Variants in TMEM163 observed in about 807,000 individuals in gnomAD.
TMEM163 encodes the protein transmembrane protein 163.
Under a neutral mutation model 29.3 loss-of-function variants are expected in TMEM163, and 17 were observed. That is an observed-to-expected ratio of 0.58 (90% CI 0.40 to 0.87). The LOEUF (loss-of-function observed/expected upper bound fraction) is 0.87. TMEM163 is among the 40% of genes least tolerant of loss of function. TMEM163 has a pLI of 0.00. For missense variants in TMEM163, 303 were observed against 381.5 expected (o/e 0.79, Z 1.71); for synonymous variants, 157 against 160.6 (o/e 0.98, Z 0.17).
chr2:134,514,935 A>G (rs889592276), intron 4 of TMEM163, among the ~76,000 whole-genome samples: 1 of 152,228 alleles, frequency 6.6e-6, no homozygotes, highest in Admixed American at 6.5e-5. Context: ...CTCATGTGGA[A>G]AAGGCCACCA....
At chr2:134,458,242 T>A (rs1358937226) in intron 6 of TMEM163, 69 bp from the exon 7 acceptor site, 1 of 1,586,590 alleles carries the variant, frequency 6.3e-7, no homozygotes, top group Non-Finnish European at 8.6e-7. Context: ...CAAATGCCAG[T>A]CCTGCCTCCA....
At position 134,661,929 on chromosome 2, in the gene TMEM163, CT is replaced by C. The variant is rs1328565759; in HGVS notation, c.322+51270del. Among the ~76,000 whole-genome samples, 13 of 121,248 alleles carry C rather than the reference CT, an allele frequency of 1.1e-4. No individual in the cohort carries two copies. The South Asian group carries it at 1.6e-3, about 15-fold the overall frequency. The allele number at this position is 121,248 out of a possible 152,430, so 79.5% of individuals were successfully genotyped here. On this transcript the variant is annotated intron_variant, in intron 2 of 7. Transcript: ENST00000281924. ...TTTCATGGATTCATTAATTTTCTTT[CT>C]TTTTTTTTTTTTTTTTTTTGAGATG...
At position 134,586,322 on chromosome 2, in the gene TMEM163, C is replaced by T. The variant is rs149651832; in HGVS notation, c.323-34231G>A. Among the ~76,000 whole-genome samples, 18 of 152,296 alleles carry T rather than the reference C, an allele frequency of 1.2e-4. No individual in the cohort carries two copies. The East Asian group carries it at 3.5e-3, about 29-fold the overall frequency. On this transcript the variant is annotated intron_variant, in intron 2 of 7. Coordinates refer to ENST00000281924, the MANE Select transcript of TMEM163 (RefSeq NM_030923.5). ...GAAGTCTAAAATCAAGGTGTGAGCA[C>T]CATTGGTTCCTTCTACAGGCTGCAG...
intron 4 of TMEM163, among the ~76,000 whole-genome samples, chr2:134,520,312 T>C (rs1320709893): frequency 6.6e-6 from 1 of 152,226 alleles, no homozygotes; most frequent in African/African-American, 2.4e-5. Flanking sequence ...CCCTAATGTC[T>C]GGCAATAACA....
At chr2:134,538,940 A>T (rs1187422565) in intron 4 of TMEM163, among the ~76,000 whole-genome samples, 1 of 152,166 alleles carries the variant, frequency 6.6e-6, no homozygotes, top group African/African-American at 2.4e-5. Context: ...TGACTATACT[A>T]AAAGCCATTG....
At chr2:134,715,144 T>G (rs1685010615) in intron 1 of TMEM163, among the ~76,000 whole-genome samples, 1 of 152,302 alleles carries the variant, frequency 6.6e-6, no homozygotes, top group South Asian at 2.1e-4. Context: ...AAAAACAAGG[T>G]TCCTTTGAGA....
chr2:134,595,255 C>T (rs943226488), intron 2 of TMEM163, among the ~76,000 whole-genome samples: 2 of 151,848 alleles, frequency 1.3e-5, no homozygotes, highest in Non-Finnish European at 2.9e-5. Flanking sequence ...TAATGCTATC[C>T]CTCCCCACTC....
chr2:134,674,725 C>T (rs1163170909), intron 2 of TMEM163, among the ~76,000 whole-genome samples: 1 of 151,990 alleles, frequency 6.6e-6, no homozygotes, highest in Non-Finnish European at 1.5e-5. Context: ...AGAGGGTTCT[C>T]ATGCTTGTCT....
chr2:134,509,093 A>G (rs1461878804), intron 4 of TMEM163, among the ~76,000 whole-genome samples: 1 of 152,190 alleles, frequency 6.6e-6, no homozygotes, highest in East Asian at 1.9e-4. Flanking sequence ...AGCATGAGGA[A>G]CTTGTTAAAT....
chr2:134,694,604 G>A (rs1199585590), intron 2 of TMEM163, among the ~76,000 whole-genome samples: 1 of 152,208 alleles, frequency 6.6e-6, no homozygotes, highest in East Asian at 1.9e-4. Context: ...GACATGTAAA[G>A]TTTAAGCTTC....
intron 3 of TMEM163, among the ~76,000 whole-genome samples, chr2:134,551,715 G>T (rs1680930030): frequency 6.6e-6 from 1 of 152,142 alleles, no homozygotes; most frequent in African/African-American, 2.4e-5. Context: ...CAGCACATCT[G>T]CCTACACCAG....
At chr2:134,568,450 C>T (rs1321315530) in intron 2 of TMEM163, among the ~76,000 whole-genome samples, 1 of 151,910 alleles carries the variant, frequency 6.6e-6, no homozygotes, top group Non-Finnish European at 1.5e-5. Context: ...TTGCTTGAAC[C>T]CGGGAGGTGG....
intron 5 of TMEM163, among the ~76,000 whole-genome samples, chr2:134,472,659 G>A (rs944816761): frequency 6.6e-6 from 1 of 152,186 alleles, no homozygotes; most frequent in African/African-American, 2.4e-5. Context: ...ATTCATTACA[G>A]CAATGAAAAC....
At position 134,591,924 on chromosome 2, in the gene TMEM163, C is replaced by A. The variant is rs199836009; in HGVS notation, c.323-39833G>T. Among the ~76,000 whole-genome samples, 862 of 121,222 alleles carry A rather than the reference C, an allele frequency of 7.1e-3. 5 individuals are homozygous for A. The highest frequency in any genetic ancestry group is 0.025 in the African/African-American group (801 of 32,522). 79.5% of individuals were successfully genotyped at this position (121,222 alleles called of 152,430 possible). On this transcript the variant is annotated intron_variant, in intron 2 of 7. Coordinates refer to ENST00000281924, the MANE Select transcript of TMEM163 (RefSeq NM_030923.5). ...AGTGTTGATTAAAAAAAAAAAAAAA[C>A]AACCTGTAAAATATGTAAAGAGATT...
chr2:134,489,013 C>T (rs1679372480), intron 5 of TMEM163, among the ~76,000 whole-genome samples: 2 of 152,094 alleles, frequency 1.3e-5, no homozygotes, highest in Non-Finnish European at 2.9e-5. Context: ...GCAGCCACAC[C>T]GAAGGGCACT....
chr2:134,520,357 G>A (rs1680167038), intron 4 of TMEM163, among the ~76,000 whole-genome samples: 2 of 152,188 alleles, frequency 1.3e-5, no homozygotes, highest in South Asian at 4.1e-4. Flanking sequence ...TGCTTGCTAT[G>A]AGAAAAGGCA....
intron 2 of TMEM163, among the ~76,000 whole-genome samples, chr2:134,585,697 G>A (rs141890447): frequency 0.064 from 9,627 of 150,746 alleles, 372 homozygotes; most frequent in South Asian, 0.12. Context: ...AGTCTAGATC[G>A]CGCCACTGCA....
At chr2:134,482,655 C>T (rs1679218171) in intron 5 of TMEM163, among the ~76,000 whole-genome samples, 1 of 152,230 alleles carries the variant, frequency 6.6e-6, no homozygotes, top group African/African-American at 2.4e-5. Context: ...TCCCCACCCC[C>T]AACCAGCAGA....
intron 2 of TMEM163, among the ~76,000 whole-genome samples, chr2:134,630,428 A>T (rs1309327649): frequency 6.6e-6 from 1 of 152,086 alleles, no homozygotes; most frequent in Non-Finnish European, 1.5e-5. Context: ...GTCTTCATAT[A>T]TCTGAATTTC....
Sources: allele counts gnomAD v4.1 joint callset (sites outside exome capture counted in the v4.1 genomes callset), GRCh38; gene constraint gnomAD v4.1.1; transcripts MANE v1.5; gene names NCBI Gene and HGNC (gene_info 2026-07-23, HGNC 2026-07-21).